The following NCAM2 variants were observed in gnomAD, a reference collection of about 807,000 sequenced individuals.
NCAM2 encodes N-CAM-2.
Under a neutral mutation model 98.1 loss-of-function variants are expected in NCAM2, and 30 were observed. The observed-to-expected ratio is 0.31, with a 90% CI of 0.23 to 0.41. NCAM2 has a LOEUF of 0.41. Among genes scored for constraint, NCAM2 ranks in the 10% least tolerant of loss-of-function variants. NCAM2 has a pLI of 1.00. For missense variants in NCAM2, 867 were observed against 1,005.8 expected, an observed-to-expected ratio of 0.86 and a Z score of 1.87; for synonymous variants, 368 against 342.4, an observed-to-expected ratio of 1.07 and a Z score of -0.83.
Position 21,265,443 on chromosome 21 carries a change from TATAC to T in NCAM2, c.56-15133_56-15130del, listed in dbSNP as rs1446248192. Among the ~76,000 whole-genome samples the T allele has an allele frequency of 2.2e-4, 8 of 35,888 alleles. 1 individual carries two copies. The highest frequency in any genetic ancestry group is 1.2e-3 in the African/African-American group (8 of 6,426). 23.5% of individuals were successfully genotyped at this position (35,888 alleles called of 152,430 possible). On this transcript the variant is annotated intron_variant, in intron 1 of 17. Transcript: ENST00000400546. ...AATATATGTGTGTATATATATTATA[TATAC>T]ACACATATATAATATATGTGTGTAT...
At chr21:21,249,975 T>A (rs1410202144) in intron 1 of NCAM2, among the ~76,000 whole-genome samples, 4 of 152,158 alleles carry the variant, frequency 2.6e-5, no homozygotes. Context: ...GGTCTGGCAT[T>A]TGAATGATTT....
chr21:21,217,261 A>G (rs1190020178), intron 1 of NCAM2, among the ~76,000 whole-genome samples: 6 of 152,154 alleles, frequency 3.9e-5, no homozygotes, highest in African/African-American at 7.2e-5. Flanking sequence ...TGGAAAATCA[A>G]TGCTTAGGTA....
chr21:21,477,204 A>G (rs2146260970), intron 14 of NCAM2, 87 bp from the exon 15 acceptor site: 4 of 1,029,514 alleles, frequency 3.9e-6, no homozygotes, highest in Middle Eastern at 2.2e-4. Flanking sequence ...ATATAAGTAT[A>G]TTGTTCCAAT....
At chr21:21,088,813 CA>C (rs531887352) in intron 1 of NCAM2, among the ~76,000 whole-genome samples, 5 of 150,730 alleles carry the variant, frequency 3.3e-5, no homozygotes, top group Non-Finnish European at 7.4e-5. Flanking sequence ...ACTAAAAATA[CA>C]AAAAAAAATT....
intron 1 of NCAM2, among the ~76,000 whole-genome samples, chr21:21,044,384 C>T (rs1026013520): frequency 4.6e-5 from 7 of 152,056 alleles, no homozygotes; most frequent in Non-Finnish European, 1.5e-5. Context: ...TGAAGAGCAA[C>T]AGAAGAGTAG....
At position 21,408,649 on chromosome 21, in the gene NCAM2, A is replaced by G. The variant is rs535989302; in HGVS notation, c.1196-1625A>G. 1.1e-4 allele frequency among the ~76,000 whole-genome samples: 17 copies of G among 152,254 alleles called. No individual in the cohort carries two copies. The South Asian group carries it at 3.3e-3, about 30-fold the overall frequency. Reference sequence around the variant, plus strand: ...TAGACGTTGGTTAAAATAGCCCTATATTGATATCTGAGCCCTAAAACTTAT... The same window carrying G: ...TAGACGTTGGTTAAAATAGCCCTATGTTGATATCTGAGCCCTAAAACTTAT... On this transcript the variant is annotated intron_variant, in intron 9 of 17. Coordinates refer to ENST00000400546, the MANE Select transcript of NCAM2 (RefSeq NM_004540.5).
chr21:21,032,290 T>C (rs1407559473), intron 1 of NCAM2, among the ~76,000 whole-genome samples: 1 of 152,232 alleles, frequency 6.6e-6, no homozygotes, highest in Non-Finnish European at 1.5e-5. Context: ...TTATTTATTA[T>C]TTAGTAAGTA....
intron 12 of NCAM2, among the ~76,000 whole-genome samples, chr21:21,443,581 G>T (rs888704205): frequency 2.6e-5 from 4 of 152,044 alleles, no homozygotes; most frequent in Non-Finnish European, 5.9e-5. Flanking sequence ...TCAATGACAG[G>T]TATTGCATTT....
chr21:21,529,465 C>G (rs1989505213), intron 16 of NCAM2, among the ~76,000 whole-genome samples: 1 of 151,978 alleles, frequency 6.6e-6, no homozygotes, highest in Admixed American at 6.6e-5. Flanking sequence ...GTTAAACTTT[C>G]TATTAATTAT....
At chr21:21,422,532 A>G (rs1381029718) in intron 11 of NCAM2, among the ~76,000 whole-genome samples, 1 of 152,196 alleles carries the variant, frequency 6.6e-6, no homozygotes, top group Non-Finnish European at 1.5e-5. Context: ...AGGACTTTCC[A>G]TTAAACCCTG....
chr21:21,016,597 A>C (rs2064314307), intron 1 of NCAM2, among the ~76,000 whole-genome samples: 1 of 152,252 alleles, frequency 6.6e-6, no homozygotes, highest in South Asian at 2.1e-4. Flanking sequence ...TGCATTGTGC[A>C]TAGTTTTACT....
At chr21:21,474,937 CT>C (rs1569101636) in intron 14 of NCAM2, among the ~76,000 whole-genome samples, 2 of 150,972 alleles carry the variant, frequency 1.3e-5, no homozygotes, top group African/African-American at 4.9e-5. Context: ...TCTCAAATTA[CT>C]TTTGGGTTGA....
intron 9 of NCAM2, among the ~76,000 whole-genome samples, chr21:21,380,865 G>A (rs1043963739): frequency 2.6e-5 from 4 of 152,090 alleles, no homozygotes; most frequent in African/African-American, 9.7e-5. Context: ...CCTCCCGTTT[G>A]TGTCTTTATG....
intron 1 of NCAM2, among the ~76,000 whole-genome samples, chr21:21,202,726 T>A (rs2069282576): frequency 1.3e-5 from 2 of 152,174 alleles, no homozygotes; most frequent in Non-Finnish European, 2.9e-5. Context: ...CATGCTTTGT[T>A]TTTATGCTAT....
At chr21:21,476,913 T>C (rs2146259899) in intron 14 of NCAM2, among the ~76,000 whole-genome samples, 1 of 152,006 alleles carries the variant, frequency 6.6e-6, no homozygotes, top group Non-Finnish European at 1.5e-5. Flanking sequence ...TTAATGGACA[T>C]ACTAAGTTTT....
chr21:21,418,658 T>A (rs936882151), intron 11 of NCAM2, 89 bp downstream of exon 11: 1 of 954,140 alleles, frequency 1.0e-6, no homozygotes, highest in Non-Finnish European at 1.7e-6. Flanking sequence ...CTCATTTACA[T>A]GTGGGATTTA....
intron 17 of NCAM2, 24 bp downstream of exon 17, chr21:21,534,680 T>G: frequency 1.9e-6 from 3 of 1,543,470 alleles, no homozygotes; most frequent in Non-Finnish European, 2.6e-6. Context: ...AGTGCTCACT[T>G]ATGTTCAAAT....
chr21:21,002,614 G>C (rs2064039854), intron 1 of NCAM2, among the ~76,000 whole-genome samples: 1 of 152,150 alleles, frequency 6.6e-6, no homozygotes, highest in South Asian at 2.1e-4. Context: ...TAACATTTGG[G>C]AAATCATTGT....
intron 8 of NCAM2, among the ~76,000 whole-genome samples, chr21:21,368,224 G>A (rs751440670): frequency 6.6e-6 from 1 of 151,812 alleles, no homozygotes; most frequent in Non-Finnish European, 1.5e-5. Context: ...TACTAATGTA[G>A]ATAACATTTT....
Sources: gnomAD v4.1 joint callset for allele counts (sites outside exome capture counted in the v4.1 genomes callset) on GRCh38, gnomAD v4.1.1 for gene constraint, MANE v1.5 for transcripts, NCBI Gene and HGNC (gene_info 2026-07-23, HGNC 2026-07-21) for gene names.